MCC: variants seen among roughly 807,000 people sequenced by gnomAD.
The protein encoded by MCC is MCC regulator of Wnt signaling pathway.
Under a neutral mutation model 116.2 loss-of-function variants are expected in MCC, and 90 were observed. The ratio of observed to expected loss-of-function variants is 0.77; its 90% CI spans 0.65 to 0.92. The LOEUF is 0.92. MCC is among the 40% of genes least tolerant of loss of function. MCC has a pLI of 0.00. For synonymous variants in MCC, 578 were observed against 510.5 expected (o/e 1.13, Z -1.78); for missense variants, 1,516 against 1,312.2 (o/e 1.16, Z -2.40).
intron 11 of MCC, among the ~76,000 whole-genome samples, chr5:113,071,506 T>C (rs554048050): frequency 6.6e-6 from 1 of 152,154 alleles, no homozygotes; most frequent in East Asian, 1.9e-4. Context: ...CAGGGCACAG[T>C]GCTAGGCTCT....
chr5:113,137,159 G>A (rs1330509126), intron 5 of MCC, among the ~76,000 whole-genome samples: 3 of 152,178 alleles, frequency 2.0e-5, no homozygotes, highest in Admixed American at 6.5e-5. Context: ...GGTGGAAGGG[G>A]AAGCAGGCAC....
At chr5:113,446,190 T>C (rs927801274) in intron 1 of MCC, among the ~76,000 whole-genome samples, 2 of 152,056 alleles carry the variant, frequency 1.3e-5, no homozygotes, top group East Asian at 3.9e-4. Flanking sequence ...ACAATGACCT[T>C]GGGAAATAAT....
intron 1 of MCC, among the ~76,000 whole-genome samples, chr5:113,426,236 A>T (rs1229307606): frequency 6.6e-6 from 1 of 152,298 alleles, no homozygotes; most frequent in East Asian, 1.9e-4. Flanking sequence ...TGAGATAAGG[A>T]TCACGCTCAG....
At chr5:113,029,161 G>A (rs1750782445) in intron 17 of MCC, 105 bp from the exon 18 acceptor site, 2 of 1,152,030 alleles carry the variant, frequency 1.7e-6, no homozygotes, top group African/African-American at 1.6e-5. Flanking sequence ...AGCTTGCAAA[G>A]CCTAAAGGCA....
intron 3 of MCC, among the ~76,000 whole-genome samples, chr5:113,200,551 T>C (rs541888918): frequency 1.3e-5 from 2 of 152,294 alleles, no homozygotes; most frequent in East Asian, 3.9e-4. Flanking sequence ...CATTCTCCCA[T>C]ATTGAACTTC....
intron 3 of MCC, among the ~76,000 whole-genome samples, chr5:113,332,424 A>C (rs1226191193): frequency 1.3e-5 from 2 of 151,446 alleles, no homozygotes; most frequent in African/African-American, 4.9e-5. Flanking sequence ...AGAAGGATAG[A>C]AGAGGCCAGG....
At chr5:113,198,005 T>C (rs1762496436) in intron 3 of MCC, among the ~76,000 whole-genome samples, 1 of 152,206 alleles carries the variant, frequency 6.6e-6, no homozygotes, top group Non-Finnish European at 1.5e-5. Context: ...ATGGTGCAGA[T>C]TAGAAAGGGG....
rs1412947397 is a variant in MCC at position 113,022,190 on chromosome 5, AAAC to A, written c.*5109_*5111del. Reference sequence around the variant, plus strand: ...TGTATAAATAAATGGAGTTTTTAAAAAACAATTCTATATCAAATAACGCAAAGT... The same window carrying A: ...TGTATAAATAAATGGAGTTTTTAAAAAATTCTATATCAAATAACGCAAAGT... On this transcript the variant is annotated 3_prime_UTR_variant, in exon 19 of 19. Coordinates refer to ENST00000408903, the MANE Select transcript of MCC (RefSeq NM_001085377.2). The A allele has an allele frequency of 1.3e-5, 2 of 152,664 alleles. No individual in the cohort carries two copies. Among genetic ancestry groups the A allele is most frequent in the East Asian group, 1.9e-4 (1 of 5,194 alleles). The allele number at this position is 152,664 out of a possible 1,614,324, so 9.5% of individuals were successfully genotyped here. A position where few individuals can be genotyped will look rare whatever the true frequency, so the allele number is the denominator to read the frequency against.
chr5:113,189,316 T>C (rs565673055), intron 3 of MCC, among the ~76,000 whole-genome samples: 12 of 152,306 alleles, frequency 7.9e-5, no homozygotes, highest in African/African-American at 2.2e-4. Flanking sequence ...ACCATCTCCA[T>C]AGTTTCATAG....
intron 3 of MCC, among the ~76,000 whole-genome samples, chr5:113,201,528 A>G (rs752484241): frequency 2.0e-4 from 31 of 152,180 alleles, no homozygotes; most frequent in Non-Finnish European, 4.0e-4. Flanking sequence ...CCAAGAACCA[A>G]CTAGCTTTTG....
intron 1 of MCC, among the ~76,000 whole-genome samples, chr5:113,421,068 G>C (rs1770320941): frequency 6.6e-6 from 1 of 151,722 alleles, no homozygotes; most frequent in Non-Finnish European, 1.5e-5. Flanking sequence ...CTGTTGCCTA[G>C]GCTGGAGTAC....
intron 3 of MCC, among the ~76,000 whole-genome samples, chr5:113,230,184 T>C (rs1158460364): frequency 6.6e-6 from 1 of 152,218 alleles, no homozygotes; most frequent in Non-Finnish European, 1.5e-5. Flanking sequence ...GTTTTTTTGT[T>C]TTGGTTTTTT....
chr5:113,399,751 A>G (rs889111661), intron 1 of MCC, among the ~76,000 whole-genome samples: 2 of 152,126 alleles, frequency 1.3e-5, no homozygotes, highest in Non-Finnish European at 2.9e-5. Context: ...ATTTTGGTTG[A>G]AAGATTTATA....
intron 8 of MCC, among the ~76,000 whole-genome samples, chr5:113,092,939 G>A (rs1307111840): frequency 6.6e-6 from 1 of 152,172 alleles, no homozygotes; most frequent in Non-Finnish European, 1.5e-5. Flanking sequence ...CATGGGAAAT[G>A]GGAAGCAATT....
At position 113,049,248 on chromosome 5, in the gene MCC, T is replaced by C. The variant is rs925973501; in HGVS notation, c.2500A>G (p.Lys834Glu). Residue 834 changes from lysine (K) to glutamate (E), a missense_variant, in exon 16 of 19, where the codon AAG becomes GAG. By Grantham distance (56) the Lys-to-Glu change is moderately conservative (BLOSUM62 1). Transcript: ENST00000408903. Reference sequence around the variant, plus strand: ...GTGCTCAGCTTCAGCTCCAGGGCCTTCTTCTCTTTCTCCAGTAGGTAGAGC... The same window carrying C: ...GTGCTCAGCTTCAGCTCCAGGGCCTCCTTCTCTTTCTCCAGTAGGTAGAGC... ...AQLYLLEKEK[K>E]ALELKLSTRE... 6.2e-7 allele frequency: 1 copy of C among 1,612,728 alleles called. No individual in the cohort carries two copies. Among genetic ancestry groups the C allele is most frequent in the Admixed American group, 1.7e-5 (1 of 59,880 alleles).
chr5:113,261,977 A>C (rs1027982656), intron 3 of MCC, among the ~76,000 whole-genome samples: 1 of 152,202 alleles, frequency 6.6e-6, no homozygotes, highest in Non-Finnish European at 1.5e-5. Context: ...CCAATAGTCT[A>C]TGTGTCTATC....
At chr5:113,027,639 G>A (rs1233161644) in intron 18 of MCC, among the ~76,000 whole-genome samples, 157 bp from the exon 19 acceptor site, 1 of 151,920 alleles carries the variant, frequency 6.6e-6, no homozygotes, top group African/African-American at 2.4e-5. Context: ...GTCAGAGGAG[G>A]GACAGCACCA....
intron 1 of MCC, among the ~76,000 whole-genome samples, chr5:113,444,651 T>C (rs1484950007): frequency 1.3e-5 from 2 of 152,222 alleles, no homozygotes; most frequent in Admixed American, 6.5e-5. Context: ...TCAAAGGCCA[T>C]CTATTTCCTT....
In MCC at chr5:113,083,065, T is replaced by A. The variant is rs1754971059; in HGVS notation, c.1636-57A>T. 5 of 1,510,902 alleles carry A rather than the reference T, an allele frequency of 3.3e-6. No individual in the cohort carries two copies. The Admixed American group carries it at 5.8e-5, about 17-fold the overall frequency. 93.6% of individuals were successfully genotyped at this position (1,510,902 alleles called of 1,614,324 possible). A position where few individuals can be genotyped will look rare whatever the true frequency, so the allele number is the denominator to read the frequency against. On this transcript the variant is annotated intron_variant, in intron 10 of 18. Transcript: ENST00000408903. ...ACATATCATTTCAGAGATGCATGTT[T>A]TGCATGCAAAAGAATTTAAAGCTGA...
Sources: gnomAD v4.1 joint callset for allele counts (sites outside exome capture counted in the v4.1 genomes callset) on GRCh38, gnomAD v4.1.1 for gene constraint, MANE v1.5 for transcripts, NCBI Gene and HGNC (gene_info 2026-07-23, HGNC 2026-07-21) for gene names.